SPATA17: variants seen among roughly 807,000 people sequenced by gnomAD.
SPATA17 encodes the protein spermatogenesis associated 17.
SPATA17 carries 53 observed loss-of-function variants against 62.2 expected under a neutral mutation model. The observed-to-expected ratio is 0.85, with a 90% CI of 0.68 to 1.07. The LOEUF (loss-of-function observed/expected upper bound fraction) is 1.07. Ranked by LOEUF, SPATA17 falls within the 50% of genes least tolerant of loss-of-function variation. SPATA17 has a pLI of 0.00. For synonymous variants in SPATA17, 146 were observed against 146.8 expected (o/e 0.99, Z 0.04); for missense variants, 466 against 425.5 (o/e 1.10, Z -0.84).
intron 9 of SPATA17, among the ~76,000 whole-genome samples, chr1:217,815,884 C>T (rs866733233): frequency 3.2e-4 from 48 of 152,186 alleles, no homozygotes; most frequent in Admixed American, 8.5e-4. Flanking sequence ...ATTCACCCTT[C>T]CCCCAACATC....
At chr1:217,733,924 C>T (rs1672451592) in intron 5 of SPATA17, among the ~76,000 whole-genome samples, 1 of 152,206 alleles carries the variant, frequency 6.6e-6, no homozygotes, top group African/African-American at 2.4e-5. Context: ...CGTATTTTCC[C>T]TTTGTGAAGG....
chr1:217,769,484 T>C (rs1464355284), intron 6 of SPATA17, among the ~76,000 whole-genome samples: 2 of 152,196 alleles, frequency 1.3e-5, no homozygotes, highest in East Asian at 3.9e-4. Flanking sequence ...ATAAACAACC[T>C]CATGATCTTG....
chr1:217,643,161 C>G (rs765852910), intron 1 of SPATA17, among the ~76,000 whole-genome samples: 2 of 152,090 alleles, frequency 1.3e-5, no homozygotes, highest in Non-Finnish European at 2.9e-5. Context: ...CAGCACAATA[C>G]GTTCATTCTA....
At position 217,644,513 on chromosome 1, in the gene SPATA17, G is replaced by A. The variant is rs565185043; in HGVS notation, c.69-4369G>A. Among the ~76,000 whole-genome samples, 168 of 152,088 alleles carry A rather than the reference G, an allele frequency of 1.1e-3. 1 individual carries two copies. The highest frequency in any genetic ancestry group is 3.7e-3 in the African/African-American group (155 of 41,488). ...GTTATATGATAATGAAAAAGAAAGA[G>A]TATTGAGTTTTTAATCTAGTATTTA... On this transcript the variant is annotated intron_variant, in intron 1 of 10. Transcript: ENST00000366933.
chr1:217,774,395 AG>A lies in SPATA17; in HGVS notation c.582del (p.Lys195ArgfsTer5). On this transcript the variant is annotated frameshift_variant, in exon 7 of 11. Coordinates refer to ENST00000366933, the MANE Select transcript of SPATA17 (RefSeq NM_138796.4). LOFTEE classifies it high-confidence loss of function. The part of the protein sequence containing the change: ...KEPDPWELQL[Q>X]KAKPLTHRRP... ...CCTGATCCATGGGAGCTGCAATTAC[AG>A]AAGGCAAAGCCTTTAACACACCGAA... 6.2e-7 allele frequency: 1 copy of A among 1,614,098 alleles called. No individual in the cohort carries two copies. The highest frequency in any genetic ancestry group is 1.7e-5 in the Admixed American group (1 of 60,030).
chr1:217,664,110 G>A (rs1289642320), intron 3 of SPATA17, among the ~76,000 whole-genome samples: 1 of 151,932 alleles, frequency 6.6e-6, no homozygotes, highest in Admixed American at 6.6e-5. Context: ...AGTTGACAAC[G>A]TCTGGAGCAT....
chr1:217,703,718 A>G (rs929905054), intron 5 of SPATA17, among the ~76,000 whole-genome samples: 8 of 152,194 alleles, frequency 5.3e-5, no homozygotes, highest in African/African-American at 1.9e-4. Context: ...ATTCTCAGCC[A>G]TACTGCTATT....
At chr1:217,666,558 T>C (rs988118403) in intron 3 of SPATA17, among the ~76,000 whole-genome samples, 5 of 152,098 alleles carry the variant, frequency 3.3e-5, no homozygotes, top group African/African-American at 1.2e-4. Context: ...AAAATTATGG[T>C]AAAATATGTG....
chr1:217,803,095 G>A (rs1289272494), intron 9 of SPATA17, among the ~76,000 whole-genome samples: 2 of 152,128 alleles, frequency 1.3e-5, no homozygotes, highest in Non-Finnish European at 2.9e-5. Flanking sequence ...TGTATTTTCA[G>A]TAGAGACAGG....
At chr1:217,799,318 G>T (rs540393898) in intron 8 of SPATA17, among the ~76,000 whole-genome samples, 1 of 152,086 alleles carries the variant, frequency 6.6e-6, no homozygotes, top group Non-Finnish European at 1.5e-5. Flanking sequence ...ATTCCCTTGA[G>T]AAGGCAAATT....
At chr1:217,643,336 G>A (rs966516649) in intron 1 of SPATA17, among the ~76,000 whole-genome samples, 3 of 151,824 alleles carry the variant, frequency 2.0e-5, no homozygotes, top group East Asian at 1.9e-4. Context: ...CTGAACCATC[G>A]CCTCCCCACC....
intron 5 of SPATA17, among the ~76,000 whole-genome samples, chr1:217,697,386 A>G (rs1260718688): frequency 6.6e-6 from 1 of 152,226 alleles, no homozygotes; most frequent in African/African-American, 2.4e-5. Context: ...TCCAGGATCT[A>G]ATTGTATTAC....
At chr1:217,831,259 T>C (rs1571833058) in intron 9 of SPATA17, among the ~76,000 whole-genome samples, 1 of 152,316 alleles carries the variant, frequency 6.6e-6, no homozygotes, top group East Asian at 1.9e-4. Context: ...GCCTACCTTC[T>C]TCATTTAATC....
chr1:217,812,806 T>C (rs1674623964), intron 9 of SPATA17, among the ~76,000 whole-genome samples: 1 of 152,230 alleles, frequency 6.6e-6, no homozygotes, highest in Admixed American at 6.5e-5. Context: ...GCAGAAATGA[T>C]ATTCTAAAGC....
chr1:217,675,509 A>G (rs1478737463), intron 4 of SPATA17, among the ~76,000 whole-genome samples: 1 of 152,072 alleles, frequency 6.6e-6, no homozygotes. Flanking sequence ...ATTGTAGGTA[A>G]ATTATTGTGG....
At chr1:217,802,993 AC>A (rs1473261969) in intron 9 of SPATA17, among the ~76,000 whole-genome samples, 1 of 151,862 alleles carries the variant, frequency 6.6e-6, no homozygotes, top group East Asian at 1.9e-4. Flanking sequence ...GCTCACTGCA[AC>A]CTCCGCCCCT....
intron 9 of SPATA17, among the ~76,000 whole-genome samples, chr1:217,846,702 T>C (rs1303162254): frequency 6.6e-6 from 1 of 152,090 alleles, no homozygotes; most frequent in African/African-American, 2.4e-5. Flanking sequence ...TTGCTACTTT[T>C]GTACCTGATT....
chr1:217,669,911 T>A (rs1321450865), intron 4 of SPATA17, among the ~76,000 whole-genome samples: 1 of 152,114 alleles, frequency 6.6e-6, no homozygotes, highest in African/African-American at 2.4e-5. Context: ...CCTTTTCAGG[T>A]GAGCGTGCTG....
intron 10 of SPATA17, among the ~76,000 whole-genome samples, chr1:217,863,555 C>A (rs186763241): frequency 1.2e-3 from 188 of 152,098 alleles, no homozygotes; most frequent in African/African-American, 4.2e-3. Flanking sequence ...AAATATTATA[C>A]TAAATAATGT....
Sources: gnomAD v4.1 joint callset for allele counts (sites outside exome capture counted in the v4.1 genomes callset) on GRCh38, gnomAD v4.1.1 for gene constraint, MANE v1.5 for transcripts, NCBI Gene and HGNC (gene_info 2026-07-23, HGNC 2026-07-21) for gene names.